Variants in CACNA2D1 observed in about 807,000 individuals in gnomAD.
CACNA2D1 encodes the protein calcium voltage-gated channel auxiliary subunit alpha2delta 1.
CACNA2D1 carries 53 observed loss-of-function variants against 171.5 expected under a neutral mutation model. That is an observed-to-expected ratio of 0.31 (90% CI 0.25 to 0.39). CACNA2D1 has a LOEUF of 0.39. Among genes scored for constraint, CACNA2D1 ranks in the 10% least tolerant of loss-of-function variants. CACNA2D1 has a pLI of 1.00. For synonymous variants in CACNA2D1, 442 were observed against 443.1 expected (o/e 1.00, Z 0.03); for missense variants, 903 against 1,299.8 (o/e 0.69, Z 4.69).
chr7:82,335,686 G>A (rs1242747035), intron 2 of CACNA2D1, among the ~76,000 whole-genome samples: 3 of 152,108 alleles, frequency 2.0e-5, no homozygotes, highest in Non-Finnish European at 2.9e-5. Context: ...ACAGAACGGA[G>A]AGAGAGAGAA....
chr7:82,059,013 T>C (rs1806281537), intron 10 of CACNA2D1, among the ~76,000 whole-genome samples: 1 of 152,150 alleles, frequency 6.6e-6, no homozygotes, highest in Non-Finnish European at 1.5e-5. Flanking sequence ...TCTAGCTACC[T>C]GGAGCTTCAG....
chr7:82,028,449 A>G (rs973032698), intron 12 of CACNA2D1: 1 of 151,854 alleles, frequency 6.6e-6, no homozygotes, highest in Non-Finnish European at 1.5e-5. Flanking sequence ...ATTTTGTAGC[A>G]CATGGATCAA....
chr7:82,250,045 G>A (rs1343452409), intron 3 of CACNA2D1, among the ~76,000 whole-genome samples: 4 of 152,234 alleles, frequency 2.6e-5, no homozygotes, highest in African/African-American at 9.6e-5. Flanking sequence ...GTCTTCCCAT[G>A]GTGAAGGCAG....
At chr7:82,265,002 G>A (rs1353239842) in intron 3 of CACNA2D1, among the ~76,000 whole-genome samples, 1 of 152,108 alleles carries the variant, frequency 6.6e-6, no homozygotes, top group Admixed American at 6.5e-5. Flanking sequence ...TGACACATCA[G>A]GTTTCTGTTA....
chr7:82,062,635 C>T (rs1307730766), intron 9 of CACNA2D1, among the ~76,000 whole-genome samples: 5 of 142,266 alleles, frequency 3.5e-5, no homozygotes, highest in Admixed American at 7.3e-5. Context: ...TTTTAGGGTA[C>T]ATGTGCACAA....
At chr7:82,246,446 A>T (rs376224040) in intron 3 of CACNA2D1, among the ~76,000 whole-genome samples, 1 of 152,170 alleles carries the variant, frequency 6.6e-6, no homozygotes, top group Non-Finnish European at 1.5e-5. Context: ...TCTAAGAAAC[A>T]TCATAGAACA....
rs567835828 is a variant in CACNA2D1, at chr7:82,401,370, G to T, written c.95+41995C>A. ...GCACATATACACCATGGAATACTAT[G>T]CAGCCATAAAAAATGATGAGTTCAT... On this transcript the variant is annotated intron_variant, in intron 1 of 38. Transcript: ENST00000356860. Among the ~76,000 whole-genome samples, 493 of 150,350 alleles carry T rather than the reference G, an allele frequency of 3.3e-3. 2 individuals are homozygous for T. Among genetic ancestry groups the T allele is most frequent in the African/African-American group, 0.012 (473 of 40,722 alleles).
At chr7:82,119,013 G>A (rs1434641394) in intron 5 of CACNA2D1, among the ~76,000 whole-genome samples, 1 of 151,840 alleles carries the variant, frequency 6.6e-6, no homozygotes, top group Non-Finnish European at 1.5e-5. Flanking sequence ...TATATATTAT[G>A]GCAGTATATT....
intron 1 of CACNA2D1, among the ~76,000 whole-genome samples, chr7:82,396,171 G>C (rs763200759): frequency 6.6e-6 from 1 of 151,962 alleles, no homozygotes; most frequent in Non-Finnish European, 1.5e-5. Flanking sequence ...CTTTCATAGA[G>C]GCCTTTTATT....
At chr7:82,326,006 T>G (rs1364673400) in intron 3 of CACNA2D1, among the ~76,000 whole-genome samples, 1 of 152,014 alleles carries the variant, frequency 6.6e-6, no homozygotes, top group Non-Finnish European at 1.5e-5. Flanking sequence ...CAAGTAGGTG[T>G]GGGTATGGGC....
rs536337427 is a variant in CACNA2D1 at position 81,956,101 on chromosome 7, C to A, written c.3159+3174G>T. ...CTCCTAGGCTCAAGCAATTCTCCTG[C>A]CTCAGCCTCTGGCGTAGCTGGGACC... On this transcript the variant is annotated intron_variant, in intron 38 of 38. Transcript: ENST00000356860. Among the ~76,000 whole-genome samples the A allele has an allele frequency of 4.0e-5, 6 of 149,972 alleles. 1 individual carries two copies. In the South Asian group the frequency reaches 1.1e-3, roughly 26 times the overall value.
intron 31 of CACNA2D1, among the ~76,000 whole-genome samples, chr7:81,966,837 G>A (rs996630980): frequency 9.9e-5 from 15 of 151,268 alleles, no homozygotes; most frequent in Non-Finnish European, 4.4e-5. Flanking sequence ...TAACCAATAG[G>A]GTTGCTTTGG....
chr7:82,363,545 G>A (rs1040888954), intron 1 of CACNA2D1, among the ~76,000 whole-genome samples: 27 of 151,980 alleles, frequency 1.8e-4, no homozygotes, highest in African/African-American at 7.3e-5. Context: ...GATTATAGGC[G>A]TGAGCCACCA....
intron 3 of CACNA2D1, among the ~76,000 whole-genome samples, chr7:82,241,486 T>C (rs909691243): frequency 2.6e-5 from 4 of 152,118 alleles, no homozygotes; most frequent in Admixed American, 2.6e-4. Flanking sequence ...TACCCCACAA[T>C]GAAATCTCAA....
intron 3 of CACNA2D1, among the ~76,000 whole-genome samples, chr7:82,291,598 TA>T (rs1300569604): frequency 7.0e-5 from 10 of 143,488 alleles, no homozygotes; most frequent in African/African-American, 1.0e-4. Flanking sequence ...ATATAATATA[TA>T]AAAAATATAT....
chr7:82,103,897 T>C (rs1169681286), intron 6 of CACNA2D1, among the ~76,000 whole-genome samples: 1 of 151,942 alleles, frequency 6.6e-6, no homozygotes, highest in African/African-American at 2.4e-5. Context: ...CTGAACTTTA[T>C]TTAAAAGATT....
chr7:82,185,122 G>A (rs1383957754), intron 3 of CACNA2D1, among the ~76,000 whole-genome samples: 2 of 152,032 alleles, frequency 1.3e-5, no homozygotes. Context: ...CTATGAATAG[G>A]AGTAATTTCT....
chr7:82,335,115 C>T lies in CACNA2D1; in HGVS notation c.294+20G>A, dbSNP rs745954855. 104 of 1,365,634 alleles carry T rather than the reference C, an allele frequency of 7.6e-5. No individual in the cohort carries two copies. The South Asian group carries it at 1.2e-3, about 16-fold the overall frequency. The allele number at this position is 1,365,634 out of a possible 1,614,324, so 84.6% of individuals were successfully genotyped here. Reference sequence around the variant, plus strand: ...TAAGTAAGGAAAATAATAAAATGAGCAGATCCAATTTAAACTCACCACCAG... The same window carrying T: ...TAAGTAAGGAAAATAATAAAATGAGTAGATCCAATTTAAACTCACCACCAG... On this transcript the variant is annotated intron_variant, in intron 3 of 38. Coordinates refer to ENST00000356860, the MANE Select transcript of CACNA2D1 (RefSeq NM_000722.4).
chr7:82,377,508 AT>A (rs1181279992), intron 1 of CACNA2D1, among the ~76,000 whole-genome samples: 1 of 152,094 alleles, frequency 6.6e-6, no homozygotes, highest in Admixed American at 6.6e-5. Flanking sequence ...AAATTGAAAT[AT>A]TTGCCTCCTT....
Sources: gnomAD v4.1 joint callset for allele counts (sites outside exome capture counted in the v4.1 genomes callset) on GRCh38, gnomAD v4.1.1 for gene constraint, MANE v1.5 for transcripts, NCBI Gene and HGNC (gene_info 2026-07-23, HGNC 2026-07-21) for gene names.